The following HACD2 variants were observed in gnomAD, a reference collection of about 807,000 sequenced individuals.
HACD2 encodes 3-hydroxyacyl-CoA dehydratase 2, also known as very-long-chain (3R)-3-hydroxyacyl-CoA dehydratase 2.
A neutral mutation model predicts 31.0 loss-of-function variants in HACD2; 15 were observed. That is an observed-to-expected ratio of 0.48 (90% CI 0.32 to 0.75). The LOEUF is 0.75. Ranked by LOEUF, HACD2 falls within the 30% of genes least tolerant of loss-of-function variation. The pLI is 0.03. For missense variants in HACD2, 283 were observed against 313.0 expected, an observed-to-expected ratio of 0.90 and a Z score of 0.72; for synonymous variants, 115 against 122.2, an observed-to-expected ratio of 0.94 and a Z score of 0.39.
rs78700323 is a variant in HACD2, at chr3:123,546,308, G to A, written c.293-17834C>T. Among the ~76,000 whole-genome samples the A allele has an allele frequency of 9.7e-3, 1,481 of 152,270 alleles. 22 individuals carry two copies. Among genetic ancestry groups the A allele is most frequent in the African/African-American group, 0.033 (1,383 of 41,546 alleles). On this transcript the variant is annotated intron_variant, in intron 3 of 6. Coordinates refer to ENST00000383657, the MANE Select transcript of HACD2 (RefSeq NM_198402.5). ...ATTGCTCTATCGGCTCAGGACTTGA[G>A]CAACCATCCAAACCCTTGTGGCAGA...
intron 4 of HACD2, among the ~76,000 whole-genome samples, chr3:123,526,158 CT>C (rs1274448263): frequency 6.6e-6 from 1 of 151,990 alleles, no homozygotes; most frequent in African/African-American, 2.4e-5. Flanking sequence ...ATAGTAAGCA[CT>C]GGCCTCTGAG....
chr3:123,575,009 C>T (rs2056893314), intron 2 of HACD2, among the ~76,000 whole-genome samples: 2 of 152,266 alleles, frequency 1.3e-5, no homozygotes, highest in South Asian at 2.1e-4. Context: ...TGGGATTCCA[C>T]ATGATCACAC....
chr3:123,502,767 G>A, intron 4 of HACD2, 86 bp from the exon 5 acceptor site: 1 of 1,404,444 alleles, frequency 7.1e-7, no homozygotes, highest in African/African-American at 1.4e-5. Flanking sequence ...GCCAGGGAGT[G>A]AGTCGGCACA....
At chr3:123,530,216 A>G (rs2056341097) in intron 3 of HACD2, among the ~76,000 whole-genome samples, 1 of 152,080 alleles carries the variant, frequency 6.6e-6, no homozygotes, top group African/African-American at 2.4e-5. Flanking sequence ...CAAACAAACA[A>G]AAAGTAAAAA....
intron 3 of HACD2, among the ~76,000 whole-genome samples, chr3:123,563,579 TGCTGTGTGA>T (rs1282123117): frequency 6.6e-6 from 1 of 152,154 alleles, no homozygotes; most frequent in Non-Finnish European, 1.5e-5. Flanking sequence ...TAGGGCTTAG[TGCTGTGTGA>T]ACTTTGGCAA....
At chr3:123,582,405 G>T in intron 1 of HACD2, 76 bp from the exon 2 acceptor site, 2 of 959,722 alleles carry the variant, frequency 2.1e-6, no homozygotes, top group Non-Finnish European at 3.0e-6. Context: ...CACAGCTGTG[G>T]CAATAAAAGA....
chr3:123,529,744 G>T (rs1174292688), intron 3 of HACD2, among the ~76,000 whole-genome samples: 1 of 151,934 alleles, frequency 6.6e-6, no homozygotes, highest in East Asian at 1.9e-4. Flanking sequence ...ATGAGTAAAA[G>T]TAAATAAATA....
intron 2 of HACD2, among the ~76,000 whole-genome samples, chr3:123,575,957 T>TATTC: frequency 6.6e-6 from 1 of 152,348 alleles, no homozygotes; most frequent in East Asian, 1.9e-4. Flanking sequence ...ATAAGCTGTA[T>TATTC]ATTCCAACCT....
chr3:123,553,372 T>C (rs1445875125), intron 3 of HACD2, among the ~76,000 whole-genome samples: 1 of 152,226 alleles, frequency 6.6e-6, no homozygotes, highest in Non-Finnish European at 1.5e-5. Flanking sequence ...ACTAAGGATT[T>C]TGTATCTAGC....
intron 3 of HACD2, among the ~76,000 whole-genome samples, chr3:123,564,878 C>A (rs1051960249): frequency 6.6e-6 from 1 of 152,082 alleles, no homozygotes; most frequent in Non-Finnish European, 1.5e-5. Context: ...AGGATCCTGC[C>A]GCTGGGCTCT....
At chr3:123,556,331 G>A (rs1250591325) in intron 3 of HACD2, among the ~76,000 whole-genome samples, 1 of 151,246 alleles carries the variant, frequency 6.6e-6, no homozygotes, top group Non-Finnish European at 1.5e-5. Context: ...CAGCTGCTTG[G>A]GAAGCTGAGG....
At chr3:123,503,690 A>G in intron 4 of HACD2, among the ~76,000 whole-genome samples, 1 of 141,354 alleles carries the variant, frequency 7.1e-6, no homozygotes, top group East Asian at 2.3e-4. Context: ...ACCCCAATTT[A>G]TATTAGTTTC....
chr3:123,570,737 G>C (rs1460713530), intron 2 of HACD2, among the ~76,000 whole-genome samples: 1 of 152,112 alleles, frequency 6.6e-6, no homozygotes, highest in South Asian at 2.1e-4. Context: ...TCTGTAAAAA[G>C]ACCTTGAAAA....
chr3:123,539,349 C>G (rs2056461075), intron 3 of HACD2, among the ~76,000 whole-genome samples: 1 of 152,100 alleles, frequency 6.6e-6, no homozygotes, highest in South Asian at 2.1e-4. Flanking sequence ...GTGGGCAGAT[C>G]ACTTGAGGTC....
At chr3:123,567,818 A>T in intron 2 of HACD2, 38 bp from the exon 3 acceptor site, 1 of 1,376,712 alleles carries the variant, frequency 7.3e-7, no homozygotes. Context: ...AGAATTAGTA[A>T]GAATCAAGAT....
chr3:123,501,443 T>G (rs530668593), intron 5 of HACD2, among the ~76,000 whole-genome samples: 80 of 152,366 alleles, frequency 5.3e-4, no homozygotes, highest in African/African-American at 1.7e-3. Context: ...CAGCTCAGAC[T>G]TTAAACAGCC....
At chr3:123,543,036 G>A (rs2056512799) in intron 3 of HACD2, among the ~76,000 whole-genome samples, 1 of 152,188 alleles carries the variant, frequency 6.6e-6, no homozygotes, top group Non-Finnish European at 1.5e-5. Context: ...CAGTATTAGT[G>A]CCTGCCTGAG....
At chr3:123,543,730 A>T in intron 3 of HACD2, 1 of 397,998 alleles carries the variant, frequency 2.5e-6, no homozygotes, top group Non-Finnish European at 5.0e-6. Context: ...CTGGATATGC[A>T]TACAGACCAG....
intron 1 of HACD2, 110 bp downstream of exon 1, chr3:123,584,763 G>A: frequency 1.1e-6 from 1 of 876,974 alleles, no homozygotes; most frequent in Non-Finnish European, 1.6e-6. Context: ...CCCCCCGCCG[G>A]GAATGCACTG....
Sources: gnomAD v4.1 joint callset for allele counts (sites outside exome capture counted in the v4.1 genomes callset) on GRCh38, gnomAD v4.1.1 for gene constraint, MANE v1.5 for transcripts, NCBI Gene and HGNC (gene_info 2026-07-23, HGNC 2026-07-21) for gene names.